The following ADARB2 variants were observed in gnomAD, a reference collection of about 807,000 sequenced individuals.
The protein encoded by ADARB2 is inactive double-stranded RNA-specific editase B2.
In ADARB2, 25 loss-of-function variants were observed where a neutral mutation model predicts 62.2. That is an observed-to-expected ratio of 0.40 (90% CI 0.29 to 0.56). The LOEUF (loss-of-function observed/expected upper bound fraction) is 0.56. Among genes scored for constraint, ADARB2 ranks in the 20% least tolerant of loss-of-function variants. The probability of loss-of-function intolerance (pLI) is 0.43; values close to 1 mark genes in which losing one functional copy is unlikely to be tolerated. For synonymous variants in ADARB2, 572 were observed against 500.8 expected (o/e 1.14, Z -1.90); for missense variants, 1,071 against 1,077.4 (o/e 0.99, Z 0.08).
At chr10:1,724,066 T>C (rs1835131662) in intron 1 of ADARB2, among the ~76,000 whole-genome samples, 1 of 152,214 alleles carries the variant, frequency 6.6e-6, no homozygotes. Flanking sequence ...ATTCATGCAT[T>C]TAAGTCCTGA....
intron 1 of ADARB2, among the ~76,000 whole-genome samples, chr10:1,725,648 G>A (rs529358947): frequency 1.2e-3 from 181 of 152,344 alleles, no homozygotes; most frequent in Non-Finnish European, 2.1e-3. Flanking sequence ...AGAGAGCAGG[G>A]AGCAAAGACA....
At chr10:1,323,005 A>G (rs1831808685) in intron 3 of ADARB2, among the ~76,000 whole-genome samples, 1 of 152,226 alleles carries the variant, frequency 6.6e-6, no homozygotes, top group South Asian at 2.1e-4. Context: ...TGGTGTTATT[A>G]GAATCAGGAA....
At chr10:1,690,224 C>T (rs148587351) in intron 1 of ADARB2, among the ~76,000 whole-genome samples, 14 of 152,328 alleles carry the variant, frequency 9.2e-5, no homozygotes, top group African/African-American at 3.4e-4. Context: ...AGCACATGCT[C>T]AGCTGAAGTT....
At chr10:1,329,929 CTT>C (rs370355543) in intron 3 of ADARB2, among the ~76,000 whole-genome samples, 9,899 of 99,980 alleles carry the variant, frequency 0.099, 313 homozygotes, top group Non-Finnish European at 0.14. Context: ...GAAGAAGTGC[CTT>C]TTTTTTTTTT....
chr10:1,587,597 G>A (rs570410013), intron 1 of ADARB2, among the ~76,000 whole-genome samples: 10 of 152,186 alleles, frequency 6.6e-5, no homozygotes, highest in East Asian at 1.9e-4. Context: ...GGGAGATAGC[G>A]TGGGTTCCCG....
chr10:1,510,744 G>C (rs1831926326), intron 1 of ADARB2, among the ~76,000 whole-genome samples: 1 of 151,974 alleles, frequency 6.6e-6, no homozygotes, highest in Non-Finnish European at 1.5e-5. Flanking sequence ...ACCCCCTACA[G>C]TCCCTTCTTC....
chr10:1,369,305 G>T (rs1832343945), intron 2 of ADARB2, among the ~76,000 whole-genome samples: 1 of 152,158 alleles, frequency 6.6e-6, no homozygotes. Context: ...GAAAGCTATT[G>T]TTGACGCACC....
chr10:1,256,123 T>G (rs1203349557), intron 4 of ADARB2, among the ~76,000 whole-genome samples: 2 of 152,192 alleles, frequency 1.3e-5, no homozygotes, highest in African/African-American at 4.8e-5. Context: ...GAAGAGGGAC[T>G]TGAAGCTCCA....
chr10:1,321,727 T>C (rs940338994), intron 3 of ADARB2, among the ~76,000 whole-genome samples: 11 of 152,210 alleles, frequency 7.2e-5, no homozygotes, highest in Non-Finnish European at 1.3e-4. Context: ...CAAATCATCA[T>C]ACTCTGTTCC....
At chr10:1,230,213 G>A (rs1037197686) in intron 6 of ADARB2, among the ~76,000 whole-genome samples, 1 of 152,200 alleles carries the variant, frequency 6.6e-6, no homozygotes, top group Non-Finnish European at 1.5e-5. Context: ...ATGGCCCTCA[G>A]GGCTTCCTTT....
At chr10:1,364,276 T>C (rs1414145182) in intron 2 of ADARB2, among the ~76,000 whole-genome samples, 1 of 152,198 alleles carries the variant, frequency 6.6e-6, no homozygotes, top group Non-Finnish European at 1.5e-5. Context: ...TGTGGTCTAG[T>C]GTCCCCCTTC....
intron 1 of ADARB2, among the ~76,000 whole-genome samples, chr10:1,601,751 T>C (rs570530414): frequency 6.6e-6 from 1 of 152,350 alleles, no homozygotes; most frequent in Admixed American, 6.5e-5. Context: ...CTGCGGTCTG[T>C]GCTCCGGGGT....
intron 1 of ADARB2, among the ~76,000 whole-genome samples, chr10:1,388,785 A>C (rs1340133051): frequency 2.6e-5 from 4 of 152,194 alleles, no homozygotes; most frequent in African/African-American, 9.6e-5. Flanking sequence ...TTACAATATC[A>C]ACTGTCCCCT....
At chr10:1,468,450 C>T (rs971918517) in intron 1 of ADARB2, among the ~76,000 whole-genome samples, 14 of 152,204 alleles carry the variant, frequency 9.2e-5, no homozygotes, top group African/African-American at 3.4e-4. Context: ...CCAAGATGCG[C>T]TTTTGTCCAA....
rs1346950694 is a variant in ADARB2 at position 1,327,074 on chromosome 10, T to G, written c.1077+35954A>C. Among the ~76,000 whole-genome samples, 57 of 48,528 alleles carry G rather than the reference T, an allele frequency of 1.2e-3. 8 individuals are homozygous for G. The highest frequency in any genetic ancestry group is 5.1e-3 in the Admixed American group (27 of 5,318). 31.8% of individuals were successfully genotyped at this position (48,528 alleles called of 152,430 possible). A position where few individuals can be genotyped will look rare whatever the true frequency, so the allele number is the denominator to read the frequency against. On this transcript the variant is annotated intron_variant, in intron 3 of 9. Coordinates refer to ENST00000381312, the MANE Select transcript of ADARB2 (RefSeq NM_018702.4). ...TCCCCACTGCCCAGCGCCTCCCCAC[T>G]GCACAGCGCCTCCTCACTGCACAGC...
chr10:1,206,391 G>A (rs1375073164), intron 7 of ADARB2, among the ~76,000 whole-genome samples: 6 of 151,296 alleles, frequency 4.0e-5, no homozygotes, highest in Non-Finnish European at 2.9e-5. Context: ...GAACTGGGAC[G>A]TCTCCTCCTC....
intron 3 of ADARB2, among the ~76,000 whole-genome samples, chr10:1,330,147 A>C (rs1299805558): frequency 2.0e-5 from 3 of 152,038 alleles, no homozygotes; most frequent in African/African-American, 7.2e-5. Flanking sequence ...ACTTCTTCCC[A>C]AGGAGGGCTG....
At chr10:1,505,098 CAT>C (rs1391722112) in intron 1 of ADARB2, among the ~76,000 whole-genome samples, 19 of 149,566 alleles carry the variant, frequency 1.3e-4, no homozygotes, top group African/African-American at 4.3e-4. Context: ...CACACACACA[CAT>C]GCACACACAG....
intron 3 of ADARB2, among the ~76,000 whole-genome samples, chr10:1,333,331 T>C (rs1051782389): frequency 7.9e-5 from 12 of 152,174 alleles, no homozygotes; most frequent in Admixed American, 7.9e-4. Context: ...TTGTCTACCA[T>C]GGCCCTGTGA....
Sources: allele counts gnomAD v4.1 joint callset (sites outside exome capture counted in the v4.1 genomes callset), GRCh38; gene constraint gnomAD v4.1.1; transcripts MANE v1.5; gene names NCBI Gene and HGNC (gene_info 2026-07-23, HGNC 2026-07-21).